The following GSR variants were observed in gnomAD, a reference collection of about 807,000 sequenced individuals.
The protein encoded by GSR is glutathione-disulfide reductase.
Under a neutral mutation model 56.5 loss-of-function variants are expected in GSR, and 48 were observed. That is an observed-to-expected ratio of 0.85 (90% CI 0.67 to 1.08). The LOEUF (loss-of-function observed/expected upper bound fraction) is 1.08. Ranked by LOEUF, GSR falls within the 50% of genes least tolerant of loss-of-function variation. GSR has a pLI of 0.00. For missense variants in GSR, 694 were observed against 703.3 expected (o/e 0.99, Z 0.15); for synonymous variants, 264 against 270.8 (o/e 0.97, Z 0.25).
chr8:30,715,186 A>G (rs1804289168), intron 1 of GSR, among the ~76,000 whole-genome samples: 1 of 152,132 alleles, frequency 6.6e-6, no homozygotes, highest in Non-Finnish European at 1.5e-5. Flanking sequence ...CCAGCTATTC[A>G]GGAGGCTGAG....
At chr8:30,702,225 C>A (rs1803768281) in intron 5 of GSR, among the ~76,000 whole-genome samples, 1 of 151,200 alleles carries the variant, frequency 6.6e-6, no homozygotes, top group Non-Finnish European at 1.5e-5. Context: ...GAGTCTGAGG[C>A]AGGAAAATCG....
intron 1 of GSR, chr8:30,726,994 T>G (rs1586076747): frequency 6.6e-6 from 1 of 152,384 alleles, no homozygotes; most frequent in African/African-American, 2.4e-5. Context: ...AAAGCCCAAG[T>G]GCACCTCAGA....
rs35132121 is a variant in GSR at position 30,718,111 on chromosome 8, A to AAAATAAATAAAT, written c.307-6035_307-6024dup. 4.3e-3 allele frequency among the ~76,000 whole-genome samples: 633 copies of AAAATAAATAAAT among 147,828 alleles called. 4 individuals carry two copies. The highest frequency in any genetic ancestry group is 9.4e-3 in the African/African-American group (381 of 40,406). On this transcript the variant is annotated intron_variant, in intron 1 of 12. Transcript: ENST00000221130. ...AGTGAAATTCTGTCTCAAAAAAATA[A>AAAATAAATAAAT]AAATAAATAAATAAATAAATAAATA...
At position 30,678,941 on chromosome 8, in the gene GSR, G is replaced by A. The variant is rs1443604033; in HGVS notation, c.*579C>T. On this transcript the variant is annotated 3_prime_UTR_variant, in exon 13 of 13. Transcript: ENST00000221130. ...GAGGTGGGCGGATCACCTGAAGGTGGGAGTTTGAGACCAGCCTGACCAACA... is the reference window on the plus strand; with the variant it reads ...GAGGTGGGCGGATCACCTGAAGGTGAGAGTTTGAGACCAGCCTGACCAACA... 6.5e-6 allele frequency: 1 copy of A among 152,860 alleles called. No individual in the cohort carries two copies. The highest frequency in any genetic ancestry group is 1.5e-5 in the Non-Finnish European group (1 of 68,670). 9.5% of individuals were successfully genotyped at this position (152,860 alleles called of 1,614,324 possible). A position where few individuals can be genotyped will look rare whatever the true frequency, so the allele number is the denominator to read the frequency against.
Position 30,727,665 on chromosome 8 carries a change from G to A in GSR, c.171C>T (p.Pro57=), listed in dbSNP as rs2128750626. The A allele has an allele frequency of 6.9e-7, 1 of 1,450,744 alleles. No homozygotes were observed. Among genetic ancestry groups the A allele is most frequent in the Non-Finnish European group, 9.0e-7 (1 of 1,111,060 alleles). The allele number at this position is 1,450,744 out of a possible 1,614,324, so 89.9% of individuals were successfully genotyped here. The change falls in exon 1 of 13, where the codon CCC becomes CCT. Residue 57 remains proline, a synonymous_variant. Transcript: ENST00000221130. Reference sequence around the variant, plus strand: ...CATAGGAGGCCACGGCGCCAGCAGCGGGCGGCGGGCCCTGCGGCTGCGGCT... The same window carrying A: ...CATAGGAGGCCACGGCGCCAGCAGCAGGCGGCGGGCCCTGCGGCTGCGGCT... ...RQEPQPQGPP[P]AAGAVASYDY...
intron 4 of GSR, among the ~76,000 whole-genome samples, chr8:30,705,356 G>C (rs550417544): frequency 3.8e-4 from 58 of 151,172 alleles, no homozygotes; most frequent in Non-Finnish European, 7.2e-4. Context: ...TCCGCCTCCA[G>C]GGTTCACGCC....
chr8:30,700,543 G>A (rs1803694656), intron 5 of GSR, among the ~76,000 whole-genome samples: 1 of 151,782 alleles, frequency 6.6e-6, no homozygotes, highest in Admixed American at 6.6e-5. Context: ...GGCCAACGTG[G>A]TGAAACCCTG....
chr8:30,684,158 T>A lies in GSR; in HGVS notation c.1083A>T (p.Glu361Asp), dbSNP rs1455074687. ...TGCCTTTGACGTTGGTATTCTGGAATTCGTCTACGATGATATGACCCTTGT... is the reference window on the plus strand; with the variant it reads ...TGCCTTTGACGTTGGTATTCTGGAAATCGTCTACGATGATATGACCCTTGT... Reference protein sequence around the residue: ...TDDKGHIIVDEFQNTNVKGIY... With the variant: ...TDDKGHIIVDDFQNTNVKGIY... Residue 361 changes from glutamate (E) to aspartate (D), a missense_variant, in exon 10 of 13, where the codon GAA (glutamate) becomes GAT (aspartate). Physicochemically the swap from Glu to Asp is conservative, Grantham distance 45. Transcript: ENST00000221130. The A allele has an allele frequency of 1.1e-5, 18 of 1,610,300 alleles. No homozygotes were observed. Among genetic ancestry groups the A allele is most frequent in the Non-Finnish European group, 1.5e-5 (18 of 1,176,496 alleles).
intron 4 of GSR, among the ~76,000 whole-genome samples, chr8:30,706,364 G>A (rs1012486134): frequency 6.6e-6 from 1 of 151,904 alleles, no homozygotes; most frequent in Non-Finnish European, 1.5e-5. Flanking sequence ...TTAGGCAGGT[G>A]TGGGGGCACG....
intron 8 of GSR, among the ~76,000 whole-genome samples, chr8:30,691,935 C>CA (rs1460848042): frequency 6.6e-6 from 1 of 151,368 alleles, no homozygotes; most frequent in African/African-American, 2.4e-5. Flanking sequence ...CCTATCTTTA[C>CA]AAAAAATACA....
At chr8:30,688,146 C>T (rs1279145440) in intron 9 of GSR, among the ~76,000 whole-genome samples, 1 of 152,188 alleles carries the variant, frequency 6.6e-6, no homozygotes, top group Admixed American at 6.6e-5. Context: ...TCCCTGTGTA[C>T]AATGTACAAG....
chr8:30,724,109 C>T (rs1022689403), intron 1 of GSR, among the ~76,000 whole-genome samples: 8 of 152,142 alleles, frequency 5.3e-5, no homozygotes, highest in African/African-American at 1.7e-4. Context: ...CAGTGGCTCA[C>T]GCCTGTAATC....
At position 30,727,840 on chromosome 8, in the gene GSR, G is replaced by T; in HGVS notation, c.-5C>A. 1 of 1,204,508 alleles carries T rather than the reference G, an allele frequency of 8.3e-7. No homozygotes were observed. Among genetic ancestry groups the T allele is most frequent in the Non-Finnish European group, 1.0e-6 (1 of 972,518 alleles). The allele number at this position is 1,204,508 out of a possible 1,614,324, so 74.6% of individuals were successfully genotyped here. A position where few individuals can be genotyped will look rare whatever the true frequency, so the allele number is the denominator to read the frequency against. On this transcript the variant is annotated 5_prime_UTR_variant, in exon 1 of 13. Transcript: ENST00000221130. ...GGCTCGGGGCAGCAGGGCCATGCAC[G>T]CGGAAGTGGCGCGCCAAGTGGGGCG... is the stretch of plus-strand genomic sequence containing the variant.
chr8:30,686,508 C>A (rs1388078245), intron 9 of GSR, among the ~76,000 whole-genome samples: 1 of 151,948 alleles, frequency 6.6e-6, no homozygotes, highest in East Asian at 1.9e-4. Context: ...TACAGCGAGA[C>A]CTTGTGTCTA....
intron 1 of GSR, among the ~76,000 whole-genome samples, chr8:30,720,001 C>T (rs149350165): frequency 1.5e-4 from 23 of 152,000 alleles, no homozygotes; most frequent in African/African-American, 5.1e-4. Context: ...CTTGAGCCCA[C>T]GAGTTAGAGA....
intron 1 of GSR, among the ~76,000 whole-genome samples, chr8:30,718,540 C>T (rs183150469): frequency 2.0e-5 from 3 of 152,110 alleles, no homozygotes; most frequent in African/African-American, 7.2e-5. Context: ...ACAAGGCATA[C>T]GGAAAGGCGG....
chr8:30,709,234 A>G (rs542467739), intron 3 of GSR, among the ~76,000 whole-genome samples: 1 of 150,302 alleles, frequency 6.7e-6, no homozygotes, highest in Admixed American at 6.6e-5. Context: ...GCATGGTGGC[A>G]CGTGCCTGTA....
Position 30,709,906 on chromosome 8 carries a change from T to TTAAAAAAAAAAAAAAA in GSR, c.334-5_334-4insTTTTTTTTTTTTTTTA. 1 of 999,714 alleles carries TTAAAAAAAAAAAAAAA rather than the reference T, an allele frequency of 1.0e-6. No individual in the cohort carries two copies. The highest frequency in any genetic ancestry group is 2.4e-5 in the African/African-American group (1 of 41,950). 61.9% of individuals were successfully genotyped at this position (999,714 alleles called of 1,614,324 possible). A position where few individuals can be genotyped will look rare whatever the true frequency, so the allele number is the denominator to read the frequency against. ...GGACAGCTGTGTTCCACATTACCTG[T>TTAAAAAAAAAAAAAAA]AAAAAAAAAAAAAAAAAAGGATCCA... On this transcript the variant is annotated splice_region_variant and splice_polypyrimidine_tract_variant and intron_variant, in intron 2 of 12. Transcript: ENST00000221130.
intron 7 of GSR, among the ~76,000 whole-genome samples, chr8:30,694,139 T>A (rs1461808062): frequency 6.6e-6 from 1 of 152,204 alleles, no homozygotes; most frequent in Non-Finnish European, 1.5e-5. Context: ...GCTAATTATA[T>A]AACCAGTTTC....
Sources: gnomAD v4.1 joint callset for allele counts (sites outside exome capture counted in the v4.1 genomes callset) on GRCh38, gnomAD v4.1.1 for gene constraint, MANE v1.5 for transcripts, NCBI Gene and HGNC (gene_info 2026-07-23, HGNC 2026-07-21) for gene names.